Variants in STK36 observed in about 807,000 individuals in gnomAD.
STK36 encodes serine/threonine-protein kinase 36.
A neutral mutation model predicts 142.2 loss-of-function variants in STK36; 116 were observed. The ratio of observed to expected loss-of-function variants is 0.82; its 90% CI spans 0.70 to 0.95. The LOEUF (loss-of-function observed/expected upper bound fraction) is 0.95, where lower values mean the gene tolerates loss of function less well. Ranked by LOEUF, STK36 falls within the 40% of genes least tolerant of loss-of-function variation. The pLI, the probability that STK36 is intolerant of heterozygous loss-of-function variation, is 0.00. For synonymous variants in STK36, 619 were observed against 641.7 expected, an observed-to-expected ratio of 0.96 and a Z score of 0.53; for missense variants, 1,422 against 1,617.2, an observed-to-expected ratio of 0.88 and a Z score of 2.07.
chr2:218,676,299 G>A (rs1559329409), intron 6 of STK36, 21 bp downstream of exon 6: 1 of 1,612,460 alleles, frequency 6.2e-7, no homozygotes. Flanking sequence ...TTGAAAGGGA[G>A]ATGACTTTTA....
chr2:218,676,654 T>C (rs1940263633), intron 6 of STK36, among the ~76,000 whole-genome samples: 2 of 142,134 alleles, frequency 1.4e-5, no homozygotes, highest in Non-Finnish European at 3.1e-5. Context: ...TTTTTTTTTC[T>C]TTTTTTTTTT....
intron 11 of STK36, among the ~76,000 whole-genome samples, chr2:218,687,112 C>A (rs747320276): frequency 6.6e-6 from 1 of 152,130 alleles, no homozygotes; most frequent in Non-Finnish European, 1.5e-5. Context: ...TGGTTGTTTG[C>A]GTTATTGAGT....
intron 16 of STK36, 56 bp downstream of exon 16, chr2:218,692,766 C>A: frequency 6.4e-7 from 1 of 1,554,760 alleles, no homozygotes; most frequent in Non-Finnish European, 8.7e-7. Flanking sequence ...ATTGAGGAGG[C>A]TAGCCCCAGT....
At chr2:218,692,809 C>T (rs1941063976) in intron 16 of STK36, 99 bp downstream of exon 16, 1 of 1,447,758 alleles carries the variant, frequency 6.9e-7, no homozygotes, top group African/African-American at 1.4e-5. Flanking sequence ...AGCTTTTAAG[C>T]CCCTCCTTTA....
chr2:218,694,704 A>G lies in STK36; in HGVS notation c.2511+69A>G, dbSNP rs1370859745. 3.0e-6 allele frequency: 4 copies of G among 1,320,594 alleles called. No individual in the cohort carries two copies. Among genetic ancestry groups the G allele is most frequent in the Non-Finnish European group, 2.2e-6 (2 of 922,124 alleles). 81.8% of individuals were successfully genotyped at this position (1,320,594 alleles called of 1,614,324 possible). A position where few individuals can be genotyped will look rare whatever the true frequency, so the allele number is the denominator to read the frequency against. On this transcript the variant is annotated intron_variant, in intron 21 of 26. Coordinates refer to ENST00000295709, the MANE Select transcript of STK36 (RefSeq NM_015690.5). This position sits in a 1 kb window ranked among gnomAD's most constrained non-coding sequence, Gnocchi z 4.4. ...AGACACTAGGACTGCATTCAAGGGG[A>G]AAAGACTGAAATGCCAGCAAGCCTG...
chr2:218,689,688 A>T (rs1286173746), intron 12 of STK36, among the ~76,000 whole-genome samples, 171 bp from the exon 13 acceptor site: 1 of 152,240 alleles, frequency 6.6e-6, no homozygotes, highest in Non-Finnish European at 1.5e-5. Context: ...TTCACAGCCC[A>T]TTGGCAGATT....
In STK36 at chr2:218,672,176, T is replaced by G; in HGVS notation, c.-129T>G. The G allele has an allele frequency of 1.6e-6, 1 of 612,288 alleles. No individual in the cohort carries two copies. Among genetic ancestry groups the G allele is most frequent in the Non-Finnish European group, 2.9e-6 (1 of 345,864 alleles). 37.9% of individuals were successfully genotyped at this position (612,288 alleles called of 1,614,324 possible). The stretch of plus-strand genomic sequence containing the variant: ...GTCCATTCCACACCTCTGAGCGCCT[T>G]TGTCCTCTGAACTTCTCACCAGTTC... On this transcript the variant is annotated 5_prime_UTR_variant, in exon 1 of 27. Coordinates refer to ENST00000295709, the MANE Select transcript of STK36 (RefSeq NM_015690.5).
chr2:218,693,234 C>G lies in STK36; in HGVS notation c.2044-6C>G. The G allele has an allele frequency of 1.2e-6, 2 of 1,613,810 alleles. No individual in the cohort carries two copies. Among genetic ancestry groups the G allele is most frequent in the Non-Finnish European group, 1.7e-6 (2 of 1,179,732 alleles). Reference sequence around the variant, plus strand: ...TAGGATTGAGCCTTCAGGTATGTCTCTATAGGTCTGTTGGCATTTGGCAAA... The same window carrying G: ...TAGGATTGAGCCTTCAGGTATGTCTGTATAGGTCTGTTGGCATTTGGCAAA... On this transcript the variant is annotated splice_region_variant and splice_polypyrimidine_tract_variant and intron_variant, in intron 16 of 26. Coordinates refer to ENST00000295709, the MANE Select transcript of STK36 (RefSeq NM_015690.5).
intron 17 of STK36, 69 bp downstream of exon 17, chr2:218,693,413 A>G: frequency 6.9e-7 from 1 of 1,448,740 alleles, no homozygotes; most frequent in Middle Eastern, 1.8e-4. Flanking sequence ...AAGCAGAGAA[A>G]CAGACCAAGA....
At chr2:218,680,856 G>A (rs561819894) in intron 10 of STK36, among the ~76,000 whole-genome samples, 154 bp downstream of exon 10, 2 of 152,282 alleles carry the variant, frequency 1.3e-5, no homozygotes, top group South Asian at 2.1e-4. Context: ...TAATTGTACA[G>A]TATCTGAACA....
intron 6 of STK36, 91 bp from the exon 7 acceptor site, chr2:218,679,077 A>T (rs946667008): frequency 7.4e-6 from 9 of 1,208,720 alleles, no homozygotes; most frequent in African/African-American, 1.5e-5. Context: ...GTGAGGATGG[A>T]TGTGGGATTC....
At chr2:218,684,414 C>CTTT (rs779556469) in intron 10 of STK36, among the ~76,000 whole-genome samples, 1,053 of 49,312 alleles carry the variant, frequency 0.021, 137 homozygotes, top group African/African-American at 0.037. Flanking sequence ...TGCGCCTGGC[C>CTTT]TTTTTTTTTT....
Position 218,686,284 on chromosome 2 carries a change from G to A in STK36, c.1380+1056G>A, listed in dbSNP as rs745970396. Reference sequence around the variant, plus strand: ...ATTTATTTTTAATTTTTGAGATGGGGTCTCACTCTGTCATCTAGGCTGGAG... The same window carrying A: ...ATTTATTTTTAATTTTTGAGATGGGATCTCACTCTGTCATCTAGGCTGGAG... On this transcript the variant is annotated intron_variant, in intron 11 of 26. Transcript: ENST00000295709. Among the ~76,000 whole-genome samples the A allele has an allele frequency of 1.2e-4, 18 of 151,596 alleles. 1 individual carries two copies. Among genetic ancestry groups the A allele is most frequent in the Non-Finnish European group, 2.5e-4 (17 of 67,932 alleles).
At chr2:218,685,910 C>T (rs1940753878) in intron 11 of STK36, among the ~76,000 whole-genome samples, 1 of 151,980 alleles carries the variant, frequency 6.6e-6, no homozygotes, top group South Asian at 2.1e-4. Context: ...AGAACATTTT[C>T]ATCACCCCAG....
In STK36 at chr2:218,673,623, AG is replaced by A; in HGVS notation, c.85del. On this transcript the variant is annotated splice_acceptor_variant, in intron 2 of 26. Coordinates refer to ENST00000295709, the MANE Select transcript of STK36 (RefSeq NM_015690.5). LOFTEE classifies it high-confidence loss of function. ...GTTAACTTTTCACCTTACCACTGAC[AG>A]GTCGTGGCCCTGAAGTTCATCCCAA... 1 of 1,611,508 alleles carries A rather than the reference AG, an allele frequency of 6.2e-7. No homozygotes were observed. The highest frequency in any genetic ancestry group is 8.5e-7 in the Non-Finnish European group (1 of 1,179,162).
rs1940047381 is a variant in STK36, at chr2:218,672,812, G to C, written c.-18G>C. ...CGTCTCTACTTTCTTCCTTCTAAGA[G>C]ATCCTGAAACCTCTGTCATGGAAAA... is the stretch of plus-strand genomic sequence containing the variant. On this transcript the variant is annotated 5_prime_UTR_variant, in exon 2 of 27. Coordinates refer to ENST00000295709, the MANE Select transcript of STK36 (RefSeq NM_015690.5). 1 of 1,613,354 alleles carries C rather than the reference G, an allele frequency of 6.2e-7. No individual in the cohort carries two copies. Among genetic ancestry groups the C allele is most frequent in the Admixed American group, 1.7e-5 (1 of 59,984 alleles).
chr2:218,694,494 C>T lies in STK36; in HGVS notation c.2401-31C>T, dbSNP rs1681536816. On this transcript the variant is annotated intron_variant, in intron 20 of 26. Coordinates refer to ENST00000295709, the MANE Select transcript of STK36 (RefSeq NM_015690.5). The surrounding 1 kb of genome is among the most constrained non-coding windows in gnomAD (Gnocchi z 4.4). ...GTCCTGAATGCCATTTAGATTTGGA[C>T]ATTCTTTCTCCTCTTTTACCTCTCC... 6.2e-7 allele frequency: 1 copy of T among 1,601,912 alleles called. No individual in the cohort carries two copies. Among genetic ancestry groups the T allele is most frequent in the Non-Finnish European group, 8.6e-7 (1 of 1,168,876 alleles).
Position 218,696,531 on chromosome 2 carries a change from G to A in STK36, c.2516G>A (p.Arg839Gln), listed in dbSNP as rs13023540. 12,296 of 1,613,954 alleles carry A rather than the reference G, an allele frequency of 7.6e-3. 74 individuals are homozygous for A. Among genetic ancestry groups the A allele is most frequent in the Non-Finnish European group, 8.5e-3 (10,063 of 1,179,892 alleles). The change falls in exon 22 of 27, where the codon CGG becomes CAG. Residue 839 changes from arginine (R) to glutamine (Q), a missense_variant. By Grantham distance (43) the Arg-to-Gln change is conservative. Transcript: ENST00000295709. ...THALSAPAEV[R>Q]LTPPGSCGFY... is the part of the protein sequence containing the mutation. The stretch of plus-strand genomic sequence containing the variant: ...CTTCATGTTTCTCTCTGACAGGTTC[G>A]GTTGACTCCACCAGGTAGTTGTGGA...
chr2:218,694,575 T>G lies in STK36; in HGVS notation c.2451T>G (p.Phe817Leu). Residue 817 changes from phenylalanine (F) to leucine (L), a missense_variant, in exon 21 of 27, where the codon TTT becomes TTG. By Grantham distance (22) the Phe-to-Leu change is conservative. Around this residue, in one of 2 missense-constraint regions of STK36, gnomAD observed 962 missense variants for 1,167.5 expected, o/e 0.82. Transcript: ENST00000295709. This position sits in a 1 kb window ranked among gnomAD's most constrained non-coding sequence, Gnocchi z 4.4. ...AGCTTGGTCAGCAAGGGGTGACCTT[T>G]GACCTCCAGCCCATGGAATGGATGG... ...LGQLGQQGVT[F>L]DLQPMEWMAA... 6.2e-7 allele frequency: 1 copy of G among 1,614,256 alleles called. No homozygotes were observed.
Sources: gnomAD v4.1 joint callset for allele counts (sites outside exome capture counted in the v4.1 genomes callset) on GRCh38, gnomAD v4.1.1 for gene constraint, gnomAD v4.1.1 regional missense constraint, Gnocchi (gnomAD v3.1) non-coding constraint, MANE v1.5 for transcripts, NCBI Gene and HGNC (gene_info 2026-07-23, HGNC 2026-07-21) for gene names.